Variants in SYT13 observed in about 807,000 individuals in gnomAD.
SYT13 encodes the protein synaptotagmin-13.
Under a neutral mutation model 38.6 loss-of-function variants are expected in SYT13, and 21 were observed. The observed-to-expected ratio is 0.54, with a 90% CI of 0.39 to 0.78. The LOEUF is 0.78. Ranked by LOEUF, SYT13 falls within the 30% of genes least tolerant of loss-of-function variation. SYT13 has a pLI of 0.00. For missense variants in SYT13, 495 were observed against 548.7 expected (o/e 0.90, Z 0.98); for synonymous variants, 241 against 237.6 (o/e 1.01, Z -0.13).
At position 45,240,822 on chromosome 11, in the gene SYT13, T is replaced by C. The variant is rs1444498683; in HGVS notation, c.*3230A>G. ...TCTGAAATGGTCTCTCACCTTATTT[T>C]TACCTCTACCTCACACCCTTTTTAG... On this transcript the variant is annotated 3_prime_UTR_variant, in exon 6 of 6. Transcript: ENST00000020926. The C allele has an allele frequency of 1.3e-5, 2 of 152,248 alleles. No individual in the cohort carries two copies. The highest frequency in any genetic ancestry group is 2.4e-5 in the African/African-American group (1 of 41,462). The allele number at this position is 152,248 out of a possible 1,614,324, so 9.4% of individuals were successfully genotyped here.
At chr11:45,254,097 G>T in intron 3 of SYT13, 173 bp downstream of exon 3, 1 of 627,104 alleles carries the variant, frequency 1.6e-6, no homozygotes. Flanking sequence ...TTGGACTGTT[G>T]GGGTTGGGAG....
chr11:45,257,767 A>G (rs1162412682), intron 1 of SYT13, among the ~76,000 whole-genome samples: 1 of 152,164 alleles, frequency 6.6e-6, no homozygotes, highest in Non-Finnish European at 1.5e-5. Context: ...CATCCATTGG[A>G]CAAACAGAGG....
At chr11:45,259,490 A>G (rs1854790484) in intron 1 of SYT13, among the ~76,000 whole-genome samples, 1 of 152,078 alleles carries the variant, frequency 6.6e-6, no homozygotes, top group African/African-American at 2.4e-5. Context: ...TCCTCAGTGG[A>G]TCTCAATTTG....
chr11:45,252,370 T>C lies in SYT13; in HGVS notation c.846+51A>G. On this transcript the variant is annotated intron_variant, in intron 4 of 5. Coordinates refer to ENST00000020926, the MANE Select transcript of SYT13 (RefSeq NM_020826.3). The surrounding 1 kb of genome is among the most constrained non-coding windows in gnomAD (Gnocchi z 4.3). ...GCTGGGAGGACACCAGGTTCTGCCA[T>C]CCCATGCTGCACGGGCAGGTTTTAC... 1 of 1,507,848 alleles carries C rather than the reference T, an allele frequency of 6.6e-7. No homozygotes were observed. Among genetic ancestry groups the C allele is most frequent in the Admixed American group, 2.0e-5 (1 of 49,268 alleles). 93.4% of individuals were successfully genotyped at this position (1,507,848 alleles called of 1,614,324 possible). A position where few individuals can be genotyped will look rare whatever the true frequency, so the allele number is the denominator to read the frequency against.
intron 1 of SYT13, among the ~76,000 whole-genome samples, chr11:45,263,685 G>A (rs1404370203): frequency 2.0e-5 from 3 of 152,288 alleles, no homozygotes; most frequent in African/African-American, 7.2e-5. Flanking sequence ...AGAGTCTGTC[G>A]CTCTGGCCTC....
rs755943263 is a variant in SYT13 at position 45,254,227 on chromosome 11, G to T, written c.544+43C>A. ...CTGCCTGCACAGCTTCTCCAGGGGAGATAGACACACAGAAGCCCACGAGAG... is the reference window on the plus strand; with the variant it reads ...CTGCCTGCACAGCTTCTCCAGGGGATATAGACACACAGAAGCCCACGAGAG... On this transcript the variant is annotated intron_variant, in intron 3 of 5. Transcript: ENST00000020926. The T allele has an allele frequency of 7.6e-5, 119 of 1,574,082 alleles. 1 individual carries two copies. The highest frequency in any genetic ancestry group is 9.1e-5 in the Non-Finnish European group (106 of 1,160,328).
intron 1 of SYT13, among the ~76,000 whole-genome samples, chr11:45,256,808 C>A (rs1854753552): frequency 6.6e-6 from 1 of 152,156 alleles, no homozygotes; most frequent in South Asian, 2.1e-4. Context: ...CAGAGCAGTC[C>A]CCATCGGAAA....
At chr11:45,272,962 C>T (rs1052111076) in intron 1 of SYT13, among the ~76,000 whole-genome samples, 1 of 152,324 alleles carries the variant, frequency 6.6e-6, no homozygotes, top group East Asian at 1.9e-4. Context: ...GGCACACTTC[C>T]TCTGACTCAC....
intron 2 of SYT13, among the ~76,000 whole-genome samples, chr11:45,254,976 C>A (rs1319681475): frequency 1.3e-5 from 2 of 151,874 alleles, no homozygotes; most frequent in Non-Finnish European, 2.9e-5. Flanking sequence ...ATTATCTGGG[C>A]ATGGTGGCAT....
chr11:45,272,227 G>A (rs888397651), intron 1 of SYT13, among the ~76,000 whole-genome samples: 1 of 152,174 alleles, frequency 6.6e-6, no homozygotes, highest in African/African-American at 2.4e-5. Flanking sequence ...ATAGCATTAG[G>A]AGAAATATCT....
chr11:45,277,321 A>G (rs1391732008), intron 1 of SYT13, among the ~76,000 whole-genome samples: 1 of 152,174 alleles, frequency 6.6e-6, no homozygotes, highest in African/African-American at 2.4e-5. Context: ...CTGCACAACA[A>G]TGTGAATATA....
At chr11:45,285,811 T>A in intron 1 of SYT13, 1 of 727,634 alleles carries the variant, frequency 1.4e-6, no homozygotes, top group Non-Finnish European at 2.4e-6. Context: ...CGCTCCCTAA[T>A]TCTCCTTCAG....
At chr11:45,244,963 CA>C (rs1482589312) in intron 5 of SYT13, among the ~76,000 whole-genome samples, 6 of 152,168 alleles carry the variant, frequency 3.9e-5, no homozygotes, top group African/African-American at 1.4e-4. Context: ...AAACTCAGAC[CA>C]GAAAAATGAA....
chr11:45,248,769 C>T (rs1854641429), intron 4 of SYT13, among the ~76,000 whole-genome samples: 1 of 152,190 alleles, frequency 6.6e-6, no homozygotes, highest in African/African-American at 2.4e-5. Flanking sequence ...TACCTACAGA[C>T]CAGGTGAGAG....
intron 4 of SYT13, among the ~76,000 whole-genome samples, chr11:45,250,712 A>G (rs1854663687): frequency 6.6e-6 from 1 of 152,122 alleles, no homozygotes; most frequent in Admixed American, 6.5e-5. Flanking sequence ...TTTTTCTAAC[A>G]ATTTTCTGAG....
chr11:45,284,661 C>T (rs779593161), intron 1 of SYT13, among the ~76,000 whole-genome samples: 1 of 152,034 alleles, frequency 6.6e-6, no homozygotes, highest in African/African-American at 2.4e-5. Flanking sequence ...GGGGAGGGGG[C>T]GGTGCCTGGA....
chr11:45,256,283 C>T (rs1854745953), intron 1 of SYT13, among the ~76,000 whole-genome samples: 2 of 152,148 alleles, frequency 1.3e-5, no homozygotes, highest in Admixed American at 6.5e-5. Flanking sequence ...CAGTGGCTCC[C>T]ACCACACAAA....
chr11:45,274,854 G>A (rs549077475), intron 1 of SYT13, among the ~76,000 whole-genome samples: 1 of 152,224 alleles, frequency 6.6e-6, no homozygotes, highest in African/African-American at 2.4e-5. Context: ...GGTTTATAAT[G>A]CTCTTCCAAA....
At position 45,241,743 on chromosome 11, in the gene SYT13, G is replaced by A. The variant is rs1424931248; in HGVS notation, c.*2309C>T. The A allele has an allele frequency of 6.6e-6, 1 of 152,170 alleles. No individual in the cohort carries two copies. The highest frequency in any genetic ancestry group is 1.5e-5 in the Non-Finnish European group (1 of 68,036). 9.4% of individuals were successfully genotyped at this position (152,170 alleles called of 1,614,324 possible). A position where few individuals can be genotyped will look rare whatever the true frequency, so the allele number is the denominator to read the frequency against. On this transcript the variant is annotated 3_prime_UTR_variant, in exon 6 of 6. Coordinates refer to ENST00000020926, the MANE Select transcript of SYT13 (RefSeq NM_020826.3). ...AGATGTTACCAAGAAGAGAATGCTG[G>A]TCAGCTTTCAGCTTATAGGAAATGT...
Sources: gnomAD v4.1 joint callset for allele counts (sites outside exome capture counted in the v4.1 genomes callset) on GRCh38, gnomAD v4.1.1 for gene constraint, Gnocchi (gnomAD v3.1) non-coding constraint, MANE v1.5 for transcripts, NCBI Gene and HGNC (gene_info 2026-07-23, HGNC 2026-07-21) for gene names.